ARHGAP44: variants seen among roughly 807,000 people sequenced by gnomAD.
The protein encoded by ARHGAP44 is Rho GTPase activating protein 44.
A neutral mutation model predicts 106.8 loss-of-function variants in ARHGAP44; 43 were observed. The observed-to-expected ratio is 0.40, with a 90% CI of 0.32 to 0.52. ARHGAP44 has a LOEUF of 0.52. Among genes scored for constraint, ARHGAP44 ranks in the 20% least tolerant of loss-of-function variants. ARHGAP44 has a pLI of 0.48. For synonymous variants in ARHGAP44, 439 were observed against 410.3 expected, an observed-to-expected ratio of 1.07 and a Z score of -0.85; for missense variants, 866 against 1,050.5, an observed-to-expected ratio of 0.82 and a Z score of 2.43.
chr17:12,957,627 C>G (rs1398910380), intron 15 of ARHGAP44, among the ~76,000 whole-genome samples: 1 of 152,108 alleles, frequency 6.6e-6, no homozygotes, highest in Non-Finnish European at 1.5e-5. Context: ...AAATTAGGCT[C>G]TGAAGATAAC....
At position 12,974,277 on chromosome 17, in the gene ARHGAP44, G is replaced by T; in HGVS notation, c.1730G>T (p.Gly577Val). ...GCGGCCCCCGCGCTCTCTCCATCCG[G>T]CCTGGGCCTCCAGCCTGGGCCCGAG... ...SPAAPALSPSGLGLQPGPERT... is the reference protein window; with the variant it reads ...SPAAPALSPSVLGLQPGPERT... Residue 577 changes from glycine to valine, a missense_variant, in exon 18 of 21, where the codon GGC becomes GTC. Around this residue, in one of 2 missense-constraint regions of ARHGAP44, gnomAD observed 418 missense variants for 403.6 expected, o/e 1.04. Coordinates refer to ENST00000379672, the MANE Select transcript of ARHGAP44 (RefSeq NM_014859.6). 1 of 1,483,586 alleles carries T rather than the reference G, an allele frequency of 6.7e-7. No homozygotes were observed. Among genetic ancestry groups the T allele is most frequent in the Non-Finnish European group, 8.9e-7 (1 of 1,122,232 alleles). 91.9% of individuals were successfully genotyped at this position (1,483,586 alleles called of 1,614,324 possible).
intron 1 of ARHGAP44, chr17:12,790,128 T>C: frequency 2.1e-6 from 1 of 487,056 alleles, no homozygotes; most frequent in South Asian, 3.1e-5. Flanking sequence ...GCGCAAAGTG[T>C]GACGCATCCT....
intron 16 of ARHGAP44, among the ~76,000 whole-genome samples, chr17:12,969,293 TCTGAG>T (rs1235637404): frequency 2.0e-5 from 3 of 151,456 alleles, no homozygotes; most frequent in Non-Finnish European, 4.4e-5. Flanking sequence ...TCTTTCTTTC[TCTGAG>T]GAGATTTTCA....
intron 4 of ARHGAP44, among the ~76,000 whole-genome samples, chr17:12,915,406 T>A (rs1039040843): frequency 3.3e-5 from 5 of 152,254 alleles, no homozygotes; most frequent in Admixed American, 6.5e-5. Context: ...ATTCAGGTCT[T>A]CTGTCGTTTG....
At position 12,986,700 on chromosome 17, in the gene ARHGAP44, AAAGAAT is replaced by A. The variant is rs1490913279; in HGVS notation, c.2317+1793_2317+1798del. ...AAAAAAAAAAAAAAAAAAAAAAAAAAAAGAATGAGCAGAAGATATCAATGGAGAAGC... is the reference window on the plus strand; with the variant it reads ...AAAAAAAAAAAAAAAAAAAAAAAAAAGAGCAGAAGATATCAATGGAGAAGC... On this transcript the variant is annotated intron_variant, in intron 20 of 20. Coordinates refer to ENST00000379672, the MANE Select transcript of ARHGAP44 (RefSeq NM_014859.6). 9.8e-5 allele frequency: 14 copies of A among 142,934 alleles called. 2 individuals are homozygous for A. The highest frequency in any genetic ancestry group is 5.0e-4 in the Admixed American group (7 of 14,136). The allele number at this position is 142,934 out of a possible 1,614,324, so 8.9% of individuals were successfully genotyped here.
chr17:12,970,940 T>C lies in ARHGAP44; in HGVS notation c.1524-2362T>C, dbSNP rs575818797. ...CTTGCTTTGGAAGGTAAATGCACTT[T>C]TAGGCTTCCAACAGCATTGCTGCTG... is the stretch of plus-strand genomic sequence containing the variant. On this transcript the variant is annotated intron_variant, in intron 16 of 20. Coordinates refer to ENST00000379672, the MANE Select transcript of ARHGAP44 (RefSeq NM_014859.6). Among the ~76,000 whole-genome samples, 3 of 152,348 alleles carry C rather than the reference T, an allele frequency of 2.0e-5. No individual in the cohort carries two copies. The South Asian group carries it at 6.2e-4, about 32-fold the overall frequency.
intron 7 of ARHGAP44, among the ~76,000 whole-genome samples, chr17:12,940,625 G>T (rs910084905): frequency 6.6e-6 from 1 of 152,202 alleles, no homozygotes; most frequent in African/African-American, 2.4e-5. Context: ...CAACCAATCA[G>T]TGTTGAGTCA....
At chr17:12,922,819 G>A (rs747914541) in intron 6 of ARHGAP44, among the ~76,000 whole-genome samples, 37 of 152,176 alleles carry the variant, frequency 2.4e-4, no homozygotes, top group Non-Finnish European at 4.3e-4. Flanking sequence ...GGCTGGTCAC[G>A]AACTCCTCTA....
At chr17:12,944,032 G>T (rs372612950) in intron 9 of ARHGAP44, 37 bp from the exon 10 acceptor site, 8 of 1,557,436 alleles carry the variant, frequency 5.1e-6, no homozygotes, top group Non-Finnish European at 7.0e-6. Flanking sequence ...TGAACTTGGC[G>T]AACAGCTGAC....
At chr17:12,946,294 A>T (rs753611633) in intron 10 of ARHGAP44, among the ~76,000 whole-genome samples, 12 of 152,096 alleles carry the variant, frequency 7.9e-5, no homozygotes, top group Non-Finnish European at 1.6e-4. Flanking sequence ...CCTAGACATT[A>T]TATCATTTCA....
intron 1 of ARHGAP44, among the ~76,000 whole-genome samples, chr17:12,864,679 T>TAA (rs551004090): frequency 1.3e-5 from 2 of 152,066 alleles, no homozygotes; most frequent in Non-Finnish European, 2.9e-5. Flanking sequence ...GCACAAACTC[T>TAA]AAACTAGAAA....
chr17:12,971,909 T>C (rs1425750097), intron 16 of ARHGAP44, among the ~76,000 whole-genome samples: 1 of 152,184 alleles, frequency 6.6e-6, no homozygotes, highest in Non-Finnish European at 1.5e-5. Context: ...GGTTTCAGCA[T>C]CACTCCCCAT....
intron 6 of ARHGAP44, among the ~76,000 whole-genome samples, chr17:12,922,154 G>A (rs1388835258): frequency 6.6e-6 from 1 of 152,214 alleles, no homozygotes; most frequent in Non-Finnish European, 1.5e-5. Flanking sequence ...AAAGTGAACA[G>A]ATGAAAGCAA....
Position 12,984,117 on chromosome 17 carries a change from A to G in ARHGAP44, c.1940-414A>G, listed in dbSNP as rs145748833. ...TCCTCTGTCCATTACAGCAAATTGA[A>G]CTGGAGTCATCCTCTGCTGGACCCT... On this transcript the variant is annotated intron_variant, in intron 19 of 20. Coordinates refer to ENST00000379672, the MANE Select transcript of ARHGAP44 (RefSeq NM_014859.6). Among the ~76,000 whole-genome samples the G allele has an allele frequency of 4.0e-3, 616 of 152,252 alleles. 3 individuals carry two copies. Among genetic ancestry groups the G allele is most frequent in the African/African-American group, 0.014 (591 of 41,546 alleles).
At chr17:12,866,305 C>G (rs977171244) in intron 1 of ARHGAP44, among the ~76,000 whole-genome samples, 14 of 152,182 alleles carry the variant, frequency 9.2e-5, no homozygotes, top group Non-Finnish European at 1.6e-4. Flanking sequence ...ACTTACAGAT[C>G]TGTATCTCAT....
At chr17:12,848,389 AT>A (rs11317630) in intron 1 of ARHGAP44, among the ~76,000 whole-genome samples, 6,260 of 152,238 alleles carry the variant, frequency 0.041, 187 homozygotes, top group East Asian at 0.13. Context: ...TTAATTCTGC[AT>A]GATAACACCA....
At chr17:12,934,351 C>G (rs2038485425) in intron 7 of ARHGAP44, among the ~76,000 whole-genome samples, 2 of 152,218 alleles carry the variant, frequency 1.3e-5, no homozygotes, top group African/African-American at 4.8e-5. Flanking sequence ...TCCCCACAAT[C>G]TGAAGAGCAC....
chr17:12,952,697 A>C, intron 13 of ARHGAP44, 116 bp downstream of exon 13: 1 of 618,436 alleles, frequency 1.6e-6, no homozygotes, highest in Non-Finnish European at 2.8e-6. Context: ...TATGATGTCC[A>C]AGGTATTATT....
intron 7 of ARHGAP44, among the ~76,000 whole-genome samples, chr17:12,933,597 A>G (rs2038461405): frequency 6.6e-6 from 1 of 152,168 alleles, no homozygotes; most frequent in African/African-American, 2.4e-5. Flanking sequence ...CCCTGAATCA[A>G]TACATCCAAG....
Sources: allele counts gnomAD v4.1 joint callset (sites outside exome capture counted in the v4.1 genomes callset), GRCh38; gene constraint gnomAD v4.1.1; regional missense constraint gnomAD v4.1.1; transcripts MANE v1.5; gene names NCBI Gene and HGNC (gene_info 2026-07-23, HGNC 2026-07-21).